Variants in PHYHIPL observed in about 807,000 individuals in gnomAD.
The protein encoded by PHYHIPL is phytanoyl-CoA hydroxylase-interacting protein-like.
Under a neutral mutation model 33.4 loss-of-function variants are expected in PHYHIPL, and 9 were observed. The ratio of observed to expected loss-of-function variants is 0.27; its 90% CI spans 0.16 to 0.47. The LOEUF (loss-of-function observed/expected upper bound fraction) is 0.47. Ranked by LOEUF, PHYHIPL falls within the 20% of genes least tolerant of loss-of-function variation. PHYHIPL has a pLI of 0.99. For synonymous variants in PHYHIPL, 153 were observed against 154.1 expected (o/e 0.99, Z 0.05); for missense variants, 365 against 460.7 (o/e 0.79, Z 1.90).
chr10:59,186,140 G>C (rs1458220510), intron 1 of PHYHIPL, among the ~76,000 whole-genome samples: 2 of 152,110 alleles, frequency 1.3e-5, no homozygotes, highest in Admixed American at 1.3e-4. Flanking sequence ...ATTAATTTTT[G>C]TATAAGGTGT....
chr10:59,223,021 C>T (rs1424300932), intron 1 of PHYHIPL, among the ~76,000 whole-genome samples: 1 of 152,166 alleles, frequency 6.6e-6, no homozygotes, highest in Non-Finnish European at 1.5e-5. Context: ...AGAATTCCAA[C>T]CCATGTCTGT....
At chr10:59,238,222 G>C (rs551956958) in intron 3 of PHYHIPL, among the ~76,000 whole-genome samples, 1 of 152,040 alleles carries the variant, frequency 6.6e-6, no homozygotes, top group South Asian at 2.1e-4. Flanking sequence ...ATTGATTGCA[G>C]ATTATAAGCT....
intron 1 of PHYHIPL, among the ~76,000 whole-genome samples, chr10:59,186,198 C>T (rs1838596316): frequency 6.6e-6 from 1 of 152,098 alleles, no homozygotes; most frequent in African/African-American, 2.4e-5. Flanking sequence ...AGCCAGTTTT[C>T]CCAGCACCAT....
At chr10:59,243,081 G>A (rs1840464934) in intron 4 of PHYHIPL, among the ~76,000 whole-genome samples, 1 of 149,338 alleles carries the variant, frequency 6.7e-6, no homozygotes, top group Admixed American at 6.7e-5. Flanking sequence ...TAAACCCAAA[G>A]AAATCCATGC....
upstream of PHYHIPL, among the ~76,000 whole-genome samples, chr10:59,176,154 T>C (rs897333546): frequency 6.6e-6 from 1 of 151,996 alleles, no homozygotes; most frequent in Admixed American, 6.5e-5. Context: ...GGGCAGCGAG[T>C]ATCCTGGGAC....
chr10:59,190,825 T>A (rs906239878), intron 1 of PHYHIPL, among the ~76,000 whole-genome samples: 2 of 151,870 alleles, frequency 1.3e-5, no homozygotes, highest in Non-Finnish European at 3.0e-5. Context: ...AAGTTTGGTA[T>A]GAAAAATGAG....
chr10:59,228,737 TG>T (rs1839996419), intron 1 of PHYHIPL, among the ~76,000 whole-genome samples: 1 of 152,074 alleles, frequency 6.6e-6, no homozygotes, highest in Non-Finnish European at 1.5e-5. Flanking sequence ...TTAAGGGAGG[TG>T]AACCTAAAAC....
chr10:59,242,995 TTAA>T (rs1173400171), intron 4 of PHYHIPL, among the ~76,000 whole-genome samples: 2 of 152,068 alleles, frequency 1.3e-5, no homozygotes, highest in African/African-American at 4.8e-5. Flanking sequence ...ATTCATAGAA[TTAA>T]TAGCCGAAAT....
At chr10:59,200,223 T>C (rs547933504) in intron 1 of PHYHIPL, among the ~76,000 whole-genome samples, 99 of 152,324 alleles carry the variant, frequency 6.5e-4, no homozygotes, top group South Asian at 3.3e-3. Context: ...CATTTTGAGA[T>C]ACATCCCATC....
chr10:59,198,440 A>T (rs1299927513), intron 1 of PHYHIPL, among the ~76,000 whole-genome samples: 1 of 151,996 alleles, frequency 6.6e-6, no homozygotes, highest in East Asian at 1.9e-4. Flanking sequence ...CATTTTTTTT[A>T]ATCCACTCTA....
chr10:59,198,007 G>T (rs192205211), intron 1 of PHYHIPL, among the ~76,000 whole-genome samples: 134 of 152,146 alleles, frequency 8.8e-4, no homozygotes, highest in African/African-American at 3.1e-3. Context: ...ACAGGAAGAT[G>T]AACTTAGATC....
intron 1 of PHYHIPL, among the ~76,000 whole-genome samples, chr10:59,208,037 A>T (rs1839338805): frequency 6.6e-6 from 1 of 152,126 alleles, no homozygotes; most frequent in Non-Finnish European, 1.5e-5. Context: ...CTCTGAAGAG[A>T]GAAGTGGATC....
At chr10:59,178,756 A>G (rs928501534) in intron 1 of PHYHIPL, among the ~76,000 whole-genome samples, 41 of 152,172 alleles carry the variant, frequency 2.7e-4, no homozygotes, top group African/African-American at 9.4e-4. Context: ...AGAGAGTGCA[A>G]AAAATAATGC....
At chr10:59,204,169 AAAAC>A (rs1377793524) in intron 1 of PHYHIPL, among the ~76,000 whole-genome samples, 1 of 152,214 alleles carries the variant, frequency 6.6e-6, no homozygotes, top group Non-Finnish European at 1.5e-5. Context: ...TATTATAAGT[AAAAC>A]AAACAAAGTA....
At chr10:59,176,380 G>A (rs561390844), upstream of PHYHIPL, among the ~76,000 whole-genome samples, 1 of 152,252 alleles carries the variant, frequency 6.6e-6, no homozygotes, top group Non-Finnish European at 1.5e-5. Flanking sequence ...GCAGCCGCGC[G>A]GCGTATAGCG....
At chr10:59,215,651 T>C (rs1375536291) in intron 1 of PHYHIPL, among the ~76,000 whole-genome samples, 1 of 151,924 alleles carries the variant, frequency 6.6e-6, no homozygotes. Context: ...GGAACTGCTG[T>C]AAATGAAATA....
chr10:59,223,429 T>C (rs1839832907), intron 1 of PHYHIPL, among the ~76,000 whole-genome samples: 2 of 152,144 alleles, frequency 1.3e-5, no homozygotes, highest in Non-Finnish European at 2.9e-5. Context: ...TACTTTCCAT[T>C]ATACCTCAGT....
intron 1 of PHYHIPL, among the ~76,000 whole-genome samples, chr10:59,195,792 T>G (rs1838896403): frequency 6.6e-6 from 1 of 152,162 alleles, no homozygotes; most frequent in Non-Finnish European, 1.5e-5. Context: ...ATGTAAAGAC[T>G]TTGAAAAGTA....
At chr10:59,199,841 G>A (rs1839043611) in intron 1 of PHYHIPL, among the ~76,000 whole-genome samples, 1 of 152,136 alleles carries the variant, frequency 6.6e-6, no homozygotes, top group Non-Finnish European at 1.5e-5. Flanking sequence ...TTTCACTCAT[G>A]ATTTGGCTCT....
Sources: gnomAD v4.1 joint callset for allele counts (sites outside exome capture counted in the v4.1 genomes callset) on GRCh38, gnomAD v4.1.1 for gene constraint, MANE v1.5 for transcripts, NCBI Gene and HGNC (gene_info 2026-07-23, HGNC 2026-07-21) for gene names.